The following CAPN8 variants were observed in gnomAD, a reference collection of about 807,000 sequenced individuals.
The protein encoded by CAPN8 is calpain-8.
Under a neutral mutation model 80.9 loss-of-function variants are expected in CAPN8, and 87 were observed. The observed-to-expected ratio is 1.07, with a 90% CI of 0.90 to 1.28. CAPN8 has a LOEUF of 1.28. CAPN8 is among the 50% of genes most tolerant of loss of function. The pLI is 0.00. For synonymous variants in CAPN8, 299 were observed against 273.8 expected (o/e 1.09, Z -0.91); for missense variants, 757 against 702.0 (o/e 1.08, Z -0.89).
chr1:223,549,484 T>G, intron 15 of CAPN8, 102 bp from the exon 16 acceptor site: 1 of 1,524,720 alleles, frequency 6.6e-7, no homozygotes, highest in Non-Finnish European at 8.8e-7. Flanking sequence ...TCCAAGGGTG[T>G]GGAACCGAAC....
chr1:223,644,587 C>T (rs1011669624), intron 2 of CAPN8, among the ~76,000 whole-genome samples: 2 of 152,198 alleles, frequency 1.3e-5, no homozygotes, highest in South Asian at 2.1e-4. Context: ...AATAAATAAA[C>T]GCATGTGACA....
chr1:223,651,904 G>A (rs1183999762), intron 2 of CAPN8, among the ~76,000 whole-genome samples: 1 of 152,236 alleles, frequency 6.6e-6, no homozygotes, highest in African/African-American at 2.4e-5. Flanking sequence ...TATGTACTTA[G>A]ATTTGCTTGA....
At chr1:223,554,889 C>G (rs1013568873) in intron 13 of CAPN8, among the ~76,000 whole-genome samples, 1 of 152,240 alleles carries the variant, frequency 6.6e-6, no homozygotes, top group Non-Finnish European at 1.5e-5. Flanking sequence ...TGTCCAGAGA[C>G]TTTCTGATGT....
intron 2 of CAPN8, among the ~76,000 whole-genome samples, chr1:223,629,357 C>G (rs1657707725): frequency 6.6e-6 from 1 of 152,078 alleles, no homozygotes; most frequent in South Asian, 2.1e-4. Flanking sequence ...GCTTAAAGTT[C>G]CCTTGAGATA....
At chr1:223,639,717 C>T (rs533977766) in intron 2 of CAPN8, among the ~76,000 whole-genome samples, 1 of 152,360 alleles carries the variant, frequency 6.6e-6, no homozygotes, top group South Asian at 2.1e-4. Context: ...CTCAAATAAA[C>T]TTTGTCACAT....
rs144118471 is a variant in CAPN8, at chr1:223,624,298, C to T, written c.814-1398G>A. Reference sequence around the variant, plus strand: ...ACATTCATTGCATTTCCCTTTCTGCCTTGGCCATTGGGAAGCCCAAAGCAA... The same window carrying T: ...ACATTCATTGCATTTCCCTTTCTGCTTTGGCCATTGGGAAGCCCAAAGCAA... On this transcript the variant is annotated intron_variant, in intron 6 of 20. Transcript: ENST00000366872. 3.3e-3 allele frequency among the ~76,000 whole-genome samples: 499 copies of T among 152,342 alleles called. 4 individuals carry two copies. The highest frequency in any genetic ancestry group is 0.012 in the African/African-American group (483 of 41,572).
At chr1:223,621,093 G>A (rs987681070) in intron 7 of CAPN8, among the ~76,000 whole-genome samples, 10 of 152,010 alleles carry the variant, frequency 6.6e-5, no homozygotes, top group African/African-American at 2.2e-4. Context: ...GACCCCGGGG[G>A]TCAGCACGAC....
chr1:223,626,303 C>T (rs1281882579), intron 5 of CAPN8, among the ~76,000 whole-genome samples: 2 of 152,132 alleles, frequency 1.3e-5, no homozygotes, highest in South Asian at 2.1e-4. Context: ...CTCTCCCATG[C>T]CCCATACCAC....
intron 1 of CAPN8, 81 bp from the exon 2 acceptor site, chr1:223,654,480 C>A (rs1658425554): frequency 7.8e-7 from 1 of 1,284,594 alleles, no homozygotes; most frequent in Non-Finnish European, 1.1e-6. Flanking sequence ...ATCAGAGTCC[C>A]AGGTTGCAGA....
At chr1:223,554,595 A>T (rs1216998553) in intron 13 of CAPN8, among the ~76,000 whole-genome samples, 1 of 152,110 alleles carries the variant, frequency 6.6e-6, no homozygotes, top group African/African-American at 2.4e-5. Flanking sequence ...ATCAGAAAAA[A>T]AAAACATTTT....
intron 2 of CAPN8, among the ~76,000 whole-genome samples, chr1:223,645,033 G>A (rs779961446): frequency 1.3e-5 from 2 of 152,158 alleles, no homozygotes; most frequent in South Asian, 2.1e-4. Context: ...AAGCCAGTCC[G>A]AGTCCCAAAA....
In CAPN8 at chr1:223,626,775, C is replaced by T. The variant is rs529287780; in HGVS notation, c.729+214G>A. Among the ~76,000 whole-genome samples, 6 of 152,302 alleles carry T rather than the reference C, an allele frequency of 3.9e-5. No individual in the cohort carries two copies. The South Asian group carries it at 1.2e-3, about 32-fold the overall frequency. On this transcript the variant is annotated intron_variant, in intron 5 of 20. Coordinates refer to ENST00000366872, the MANE Select transcript of CAPN8 (RefSeq NM_001143962.2). Reference sequence around the variant, plus strand: ...AACGAGAGGGAAATTGGGGCTCCTGCAATGCAACTAACCCCAGTTCCTACC... The same window carrying T: ...AACGAGAGGGAAATTGGGGCTCCTGTAATGCAACTAACCCCAGTTCCTACC...
chr1:223,627,046 TA>T lies in CAPN8; in HGVS notation c.671del (p.Leu224HisfsTer49). ...AGAGGGCCTTCCGGATGATCTGATA[TA>T]GATTGGCTGGTGGTTTCTTCAGGTC... ...FYDLKKPPAN[L>X]YQIIRKALCA... On this transcript the variant is annotated frameshift_variant, in exon 5 of 21. Transcript: ENST00000366872. LOFTEE classifies it high-confidence loss of function. 1 of 1,552,036 alleles carries T rather than the reference TA, an allele frequency of 6.4e-7. No individual in the cohort carries two copies. The highest frequency in any genetic ancestry group is 8.7e-7 in the Non-Finnish European group (1 of 1,147,058).
intron 2 of CAPN8, among the ~76,000 whole-genome samples, 176 bp downstream of exon 2, chr1:223,654,128 TAGTTCCAGCATTTGGACCTACAGTGA>T (rs1440867162): frequency 6.6e-6 from 1 of 152,098 alleles, no homozygotes; most frequent in African/African-American, 2.4e-5. Flanking sequence ...AGCCAAGAGG[TAGTTCCAGCATTTGGACCTACAGTGA>T]AGTTCCAGCA....
rs376498386 is a variant in CAPN8, at chr1:223,624,966, G to A, written c.813+839C>T. Among the ~76,000 whole-genome samples, 6 of 152,102 alleles carry A rather than the reference G, an allele frequency of 3.9e-5. 2 individuals carry two copies. Among genetic ancestry groups the A allele is most frequent in the African/African-American group, 1.2e-4 (5 of 41,516 alleles). Reference sequence around the variant, plus strand: ...AAATTAGCTGGGCGTGGTGGCGGGCGCCTGTAGTCCCAGCTACTCAGGAGG... The same window carrying A: ...AAATTAGCTGGGCGTGGTGGCGGGCACCTGTAGTCCCAGCTACTCAGGAGG... On this transcript the variant is annotated intron_variant, in intron 6 of 20. Transcript: ENST00000366872.
chr1:223,634,457 T>G (rs1367110408), intron 2 of CAPN8, among the ~76,000 whole-genome samples: 2 of 152,164 alleles, frequency 1.3e-5, no homozygotes, highest in Non-Finnish European at 2.9e-5. Context: ...TTGGCCTTCC[T>G]TATACCCACG....
At chr1:223,650,453 C>T (rs1558355894) in intron 2 of CAPN8, among the ~76,000 whole-genome samples, 1 of 152,184 alleles carries the variant, frequency 6.6e-6, no homozygotes, top group Non-Finnish European at 1.5e-5. Context: ...GGGAGAAGAC[C>T]CAAACCATAA....
chr1:223,616,527 G>A (rs1419848607), intron 9 of CAPN8, among the ~76,000 whole-genome samples: 3 of 152,210 alleles, frequency 2.0e-5, no homozygotes, highest in Non-Finnish European at 4.4e-5. Flanking sequence ...ACATGTGAAG[G>A]CAAACCCACC....
At chr1:223,647,760 C>T (rs141323611) in intron 2 of CAPN8, among the ~76,000 whole-genome samples, 3 of 152,280 alleles carry the variant, frequency 2.0e-5, no homozygotes, top group Non-Finnish European at 2.9e-5. Flanking sequence ...AACAATTATA[C>T]TGAAAGTTAT....
Sources: allele counts gnomAD v4.1 joint callset (sites outside exome capture counted in the v4.1 genomes callset), GRCh38; gene constraint gnomAD v4.1.1; transcripts MANE v1.5; gene names NCBI Gene and HGNC (gene_info 2026-07-23, HGNC 2026-07-21).